Variants in EXOC3 observed in about 807,000 individuals in gnomAD.
The protein encoded by EXOC3 is SEC6-like 1.
In EXOC3, 21 loss-of-function variants were observed where a neutral mutation model predicts 73.7. The observed-to-expected ratio is 0.29, with a 90% CI of 0.20 to 0.41. The LOEUF (loss-of-function observed/expected upper bound fraction) is 0.41. EXOC3 is among the 10% of genes least tolerant of loss of function. The pLI, the probability that EXOC3 is intolerant of heterozygous loss-of-function variation, is 1.00. For missense variants in EXOC3, 842 were observed against 985.1 expected (o/e 0.85, Z 1.95); for synonymous variants, 410 against 389.1 (o/e 1.05, Z -0.63).
At position 466,722 on chromosome 5, in the gene EXOC3, C is replaced by A. The variant is rs370059785; in HGVS notation, c.2067-5C>A. 24 of 1,610,632 alleles carry A rather than the reference C, an allele frequency of 1.5e-5. No homozygotes were observed. In the African/African-American group the frequency reaches 2.9e-4, roughly 20 times the overall value. On this transcript the variant is annotated splice_polypyrimidine_tract_variant and splice_region_variant and intron_variant, in intron 12 of 12. Coordinates refer to ENST00000512944, the MANE Select transcript of EXOC3 (RefSeq NM_007277.5). ...GGGCATGGGCTGACATCTCCCCATCCCCAGGGATGACCACATCGGTGCGCT... is the reference window on the plus strand; with the variant it reads ...GGGCATGGGCTGACATCTCCCCATCACCAGGGATGACCACATCGGTGCGCT...
intron 4 of EXOC3, 49 bp downstream of exon 4, chr5:454,100 TGA>T (rs1439212458): frequency 3.2e-5 from 46 of 1,458,436 alleles, no homozygotes; most frequent in Non-Finnish European, 3.9e-5. Context: ...AAGCCGTGTG[TGA>T]GAGGGGCCTG....
chr5:451,964 G>C (rs1373471667), intron 3 of EXOC3, among the ~76,000 whole-genome samples: 2 of 152,218 alleles, frequency 1.3e-5, no homozygotes, highest in African/African-American at 2.4e-5. Flanking sequence ...ACAAGTTGCT[G>C]CTTTCAGAAT....
In EXOC3 at chr5:456,926, G is replaced by T. The variant is rs200873576; in HGVS notation, c.1084G>T (p.Val362Leu). 2.0e-5 allele frequency: 33 copies of T among 1,614,072 alleles called. No individual in the cohort carries two copies. The African/African-American group carries it at 4.1e-4, about 20-fold the overall frequency. The change falls in exon 5 of 13, where the codon GTG becomes TTG. Residue 362 changes from valine (V) to leucine (L), a missense_variant. By Grantham distance (32) the Val-to-Leu change is conservative (BLOSUM62 1). Transcript: ENST00000512944. The stretch of plus-strand genomic sequence containing the variant: ...GAGGAACGTGGAGCTGGCCCCGGAA[G>T]TGGATGTCGGCACCCTGGAGCCATT... The part of the protein sequence containing the change: ...MMRNVELAPE[V>L]DVGTLEPLLS...
In EXOC3 at chr5:466,839, G is replaced by C. The variant is rs374251472; in HGVS notation, c.2179G>C (p.Val727Leu). The C allele has an allele frequency of 1.2e-6, 2 of 1,613,238 alleles. No homozygotes were observed. Among genetic ancestry groups the C allele is most frequent in the Non-Finnish European group, 1.7e-6 (2 of 1,179,668 alleles). The change falls in exon 13 of 13, where the codon GTG becomes CTG. Residue 727 changes from valine (V) to leucine (L), a missense_variant. Val to Leu is a conservative substitution (Grantham distance 32, BLOSUM62 1). Transcript: ENST00000512944. ...CCCAGCACAGGCCAGCCCCAGCTAC[G>C]TGCCCCTCTTCAAGGACATTGTGGT... is the stretch of plus-strand genomic sequence containing the variant. Reference protein sequence around the residue: ...QGPAQASPSYVPLFKDIVVPS... With the variant: ...QGPAQASPSYLPLFKDIVVPS...
At position 465,283 on chromosome 5, in the gene EXOC3, C is replaced by A. The variant is rs755567518; in HGVS notation, c.1938+11C>A. The A allele has an allele frequency of 6.4e-7, 1 of 1,571,132 alleles. No homozygotes were observed. On this transcript the variant is annotated intron_variant, in intron 11 of 12. Transcript: ENST00000512944. Reference sequence around the variant, plus strand: ...CGGAAGCTGGCGTCCGTGAGTGTCGCGCAGGTCCGGGCTGGAGAAGGCCTG... The same window carrying A: ...CGGAAGCTGGCGTCCGTGAGTGTCGAGCAGGTCCGGGCTGGAGAAGGCCTG...
chr5:445,101 A>C (rs1409185528), intron 1 of EXOC3: 3 of 152,236 alleles, frequency 2.0e-5, no homozygotes, highest in Admixed American at 6.5e-5. Context: ...TGAAAATCAG[A>C]CAGCTGAAGT....
At chr5:447,883 C>T in intron 3 of EXOC3, 131 bp downstream of exon 3, 1 of 653,288 alleles carries the variant, frequency 1.5e-6, no homozygotes, top group Non-Finnish European at 2.6e-6. Flanking sequence ...TTCTTGTCTG[C>T]TCAGCGTCTT....
Position 466,954 on chromosome 5 carries a change from ACG to A in EXOC3, c.*59_*60del. ...ACAGCCTCGGTCCCTGCCTTTAGAA[ACG>A]CGGGACAGCTGATTGCTCTCCTTGG... On this transcript the variant is annotated 3_prime_UTR_variant, in exon 13 of 13. Coordinates refer to ENST00000512944, the MANE Select transcript of EXOC3 (RefSeq NM_007277.5). 3 of 1,492,854 alleles carry A rather than the reference ACG, an allele frequency of 2.0e-6. No individual in the cohort carries two copies. The Middle Eastern group carries it at 5.2e-4, about 260-fold the overall frequency. The allele number at this position is 1,492,854 out of a possible 1,614,324, so 92.5% of individuals were successfully genotyped here. A position where few individuals can be genotyped will look rare whatever the true frequency, so the allele number is the denominator to read the frequency against.
At chr5:460,595 G>A (rs55846849) in intron 7 of EXOC3, among the ~76,000 whole-genome samples, 21,266 of 151,900 alleles carry the variant, frequency 0.14, 1,936 homozygotes, top group Non-Finnish European at 0.2. Context: ...GGTCTTAGCC[G>A]AGTCCCCACT....
intron 1 of EXOC3, among the ~76,000 whole-genome samples, chr5:443,534 G>A (rs1442095343): frequency 1.3e-5 from 2 of 151,402 alleles, no homozygotes; most frequent in Non-Finnish European, 3.0e-5. Context: ...TGGCACATGT[G>A]TCCCCACAGG....
intron 11 of EXOC3, 134 bp downstream of exon 11, chr5:465,406 C>T (rs1286985709): frequency 9.5e-7 from 1 of 1,055,982 alleles, no homozygotes; most frequent in African/African-American, 1.6e-5. Context: ...GGGTCCAGGT[C>T]CTGCCTGACC....
intron 3 of EXOC3, 92 bp downstream of exon 3, chr5:447,844 C>T (rs1737550839): frequency 2.3e-6 from 2 of 852,384 alleles, no homozygotes; most frequent in Non-Finnish European, 1.8e-6. Context: ...TTGCAGCCCG[C>T]ACTGTAGACC....
At chr5:450,228 A>G (rs1737624899) in intron 3 of EXOC3, among the ~76,000 whole-genome samples, 1 of 152,256 alleles carries the variant, frequency 6.6e-6, no homozygotes, top group African/African-American at 2.4e-5. Flanking sequence ...CCAGGGGGAC[A>G]AGAGCGAGAC....
At chr5:457,057 T>A in intron 5 of EXOC3, 51 bp downstream of exon 5, 1 of 1,304,866 alleles carries the variant, frequency 7.7e-7, no homozygotes, top group Non-Finnish European at 1.1e-6. Context: ...GTTATATGAG[T>A]AACTAGGGCT....
intron 2 of EXOC3, among the ~76,000 whole-genome samples, 197 bp downstream of exon 2, chr5:446,546 C>A (rs1052202121): frequency 6.6e-6 from 1 of 152,214 alleles, no homozygotes; most frequent in African/African-American, 2.4e-5. Flanking sequence ...GGTGAAAACA[C>A]CAAAGGAACA....
intron 6 of EXOC3, among the ~76,000 whole-genome samples, chr5:458,506 C>T (rs762284841): frequency 2.0e-5 from 3 of 152,148 alleles, no homozygotes; most frequent in Non-Finnish European, 2.9e-5. Context: ...TGGGTCAAGG[C>T]GTCCATTAGC....
At chr5:466,547 G>A (rs1310308662) in intron 12 of EXOC3, 180 bp from the exon 13 acceptor site, 2 of 586,590 alleles carry the variant, frequency 3.4e-6, no homozygotes, top group Non-Finnish European at 6.0e-6. Context: ...ATTGAGAAAA[G>A]ACAGAGTAAG....
intron 1 of EXOC3, among the ~76,000 whole-genome samples, chr5:444,764 C>T (rs912655074): frequency 1.1e-5 from 1 of 93,430 alleles, no homozygotes; most frequent in Non-Finnish European, 3.3e-5. Context: ...TGGGATATAG[C>T]GGGGGTTACC....
chr5:448,066 G>A (rs1474507918), intron 3 of EXOC3, among the ~76,000 whole-genome samples: 1 of 152,152 alleles, frequency 6.6e-6, no homozygotes, highest in East Asian at 1.9e-4. Flanking sequence ...GACTCTGTGA[G>A]TGCAGAAGAA....
Sources: gnomAD v4.1 joint callset for allele counts (sites outside exome capture counted in the v4.1 genomes callset) on GRCh38, gnomAD v4.1.1 for gene constraint, MANE v1.5 for transcripts, NCBI Gene and HGNC (gene_info 2026-07-23, HGNC 2026-07-21) for gene names.